The following RAE1 variants were observed in gnomAD, a reference collection of about 807,000 sequenced individuals.
RAE1 encodes mRNA export factor RAE1.
RAE1 carries 13 observed loss-of-function variants against 52.7 expected under a neutral mutation model. The observed-to-expected ratio is 0.25, with a 90% CI of 0.16 to 0.39. The LOEUF (loss-of-function observed/expected upper bound fraction) is 0.39. Among genes scored for constraint, RAE1 ranks in the 10% least tolerant of loss-of-function variants. The pLI, the probability that RAE1 is intolerant of heterozygous loss-of-function variation, is 1.00. For missense variants in RAE1, 262 were observed against 459.8 expected, an observed-to-expected ratio of 0.57 and a Z score of 3.93; for synonymous variants, 164 against 153.1, an observed-to-expected ratio of 1.07 and a Z score of -0.52.
At chr20:57,351,806 C>T (rs2066713691) in intron 1 of RAE1, 3 of 985,470 alleles carry the variant, frequency 3.0e-6, no homozygotes, top group Non-Finnish European at 2.4e-6. Flanking sequence ...CAACCTGCTC[C>T]ATTTCTTTCG....
intron 11 of RAE1, among the ~76,000 whole-genome samples, chr20:57,376,918 C>T (rs1387251230): frequency 6.6e-6 from 1 of 152,322 alleles, no homozygotes; most frequent in East Asian, 1.9e-4. Context: ...AGTAAAATCT[C>T]ATTCATTTAA....
rs755561880 is a variant in RAE1, at chr20:57,365,381, C to T, written c.314C>T (p.Ser105Leu). The change falls in exon 5 of 12, where the codon TCG (serine) becomes TTG (leucine). Residue 105 changes from serine (S) to leucine (L), a missense_variant. Transcript: ENST00000395841. ...SDDGSKVFTA[S>L]CDKTAKMWDL... Reference sequence around the variant, plus strand: ...GATGGGAGCAAAGTGTTTACGGCATCGTGTGATAAAACTGCCAAAATGTGG... The same window carrying T: ...GATGGGAGCAAAGTGTTTACGGCATTGTGTGATAAAACTGCCAAAATGTGG... 34 of 1,609,868 alleles carry T rather than the reference C, an allele frequency of 2.1e-5. No homozygotes were observed. The highest frequency in any genetic ancestry group is 2.7e-5 in the African/African-American group (2 of 74,792).
intron 4 of RAE1, among the ~76,000 whole-genome samples, chr20:57,360,343 G>GT: frequency 6.6e-6 from 1 of 152,212 alleles, no homozygotes; most frequent in South Asian, 2.1e-4. Context: ...TTGACCTAAC[G>GT]TTTTTATGTG....
chr20:57,353,327 A>G (rs2066738172), intron 1 of RAE1, among the ~76,000 whole-genome samples: 1 of 152,234 alleles, frequency 6.6e-6, no homozygotes, highest in African/African-American at 2.4e-5. Flanking sequence ...TTTGCAGAGC[A>G]GGAAAATGAA....
rs114695642 is a variant in RAE1 at position 57,377,553 on chromosome 20, A to G, written c.1021-460A>G. Reference sequence around the variant, plus strand: ...CGCACACGCCTCTGGCTCACTCACCACCGTTCATGCCTCTGCTGTGCTCCG... The same window carrying G: ...CGCACACGCCTCTGGCTCACTCACCGCCGTTCATGCCTCTGCTGTGCTCCG... On this transcript the variant is annotated intron_variant, in intron 11 of 11. Transcript: ENST00000395841. Among the ~76,000 whole-genome samples, 917 of 152,196 alleles carry G rather than the reference A, an allele frequency of 6.0e-3. 6 individuals are homozygous for G. Among genetic ancestry groups the G allele is most frequent in the African/African-American group, 0.021 (872 of 41,516 alleles).
intron 5 of RAE1, among the ~76,000 whole-genome samples, chr20:57,366,236 T>A (rs182194832): frequency 6.6e-6 from 1 of 151,708 alleles, no homozygotes; most frequent in Non-Finnish European, 1.5e-5. Flanking sequence ...AAGGTAGATA[T>A]ATGTTTTTGT....
intron 4 of RAE1, among the ~76,000 whole-genome samples, chr20:57,364,308 G>A (rs2066926173): frequency 6.6e-6 from 1 of 152,172 alleles, no homozygotes; most frequent in Non-Finnish European, 1.5e-5. Flanking sequence ...AGGTTGGCAT[G>A]CTCTGCTCCA....
intron 5 of RAE1, 67 bp from the exon 6 acceptor site, chr20:57,366,740 A>AAAGGGAAG (rs2066959963): frequency 1.4e-6 from 2 of 1,443,108 alleles, no homozygotes; most frequent in Admixed American, 3.5e-5. Flanking sequence ...TTGAATTGCC[A>AAAGGGAAG]CAACTAAAGC....
At position 57,378,229 on chromosome 20, in the gene RAE1, C is replaced by A; in HGVS notation, c.*130C>A. 2 of 738,462 alleles carry A rather than the reference C, an allele frequency of 2.7e-6. No individual in the cohort carries two copies. Among genetic ancestry groups the A allele is most frequent in the South Asian group, 2.1e-5 (1 of 48,578 alleles). The allele number at this position is 738,462 out of a possible 1,614,324, so 45.7% of individuals were successfully genotyped here. On this transcript the variant is annotated 3_prime_UTR_variant, in exon 12 of 12. Coordinates refer to ENST00000395841, the MANE Select transcript of RAE1 (RefSeq NM_003610.4). ...TTTCAACCCCTGGAGAAAACGATGT[C>A]ATTGTTCAGCAGCTGAGAGCCCAGG...
intron 8 of RAE1, among the ~76,000 whole-genome samples, chr20:57,369,959 C>T (rs1221182325): frequency 6.6e-6 from 1 of 152,106 alleles, no homozygotes; most frequent in Non-Finnish European, 1.5e-5. Flanking sequence ...CCCATGCCCT[C>T]CAGCCTTCTC....
intron 11 of RAE1, among the ~76,000 whole-genome samples, chr20:57,377,240 T>C (rs928006752): frequency 2.6e-4 from 40 of 152,216 alleles, no homozygotes; most frequent in African/African-American, 9.4e-4. Context: ...CCCAGCGCCA[T>C]GCCCCACCTC....
rs755166301 is a variant in RAE1, at chr20:57,366,847, C to G, written c.416C>G (p.Pro139Arg). 16 of 1,613,766 alleles carry G rather than the reference C, an allele frequency of 9.9e-6. No individual in the cohort carries two copies. Among genetic ancestry groups the G allele is most frequent in the African/African-American group, 1.3e-5 (1 of 74,904 alleles). ...PVKTIHWIKA[P>R]NYSCVMTGSW... ...AAAACCATCCATTGGATCAAAGCTC[C>G]AAACTACAGCTGTGTGATGACTGGG... The change falls in exon 6 of 12, where the codon CCA (proline) becomes CGA (arginine). Residue 139 changes from proline (P) to arginine (R), a missense_variant. By Grantham distance (103) the Pro-to-Arg change is moderately radical. Coordinates refer to ENST00000395841, the MANE Select transcript of RAE1 (RefSeq NM_003610.4).
intron 4 of RAE1, among the ~76,000 whole-genome samples, chr20:57,362,387 G>T (rs1250513290): frequency 6.6e-6 from 1 of 152,194 alleles, no homozygotes; most frequent in Non-Finnish European, 1.5e-5. Context: ...AGTTTGAAAA[G>T]TGAAGCATTC....
intron 3 of RAE1, among the ~76,000 whole-genome samples, chr20:57,355,445 T>G (rs921489816): frequency 2.0e-5 from 3 of 152,216 alleles, no homozygotes; most frequent in African/African-American, 7.2e-5. Flanking sequence ...AAGGATAAGC[T>G]GAAACCCTGC....
At chr20:57,369,183 T>TA (rs1427074321) in intron 8 of RAE1, among the ~76,000 whole-genome samples, 1 of 152,190 alleles carries the variant, frequency 6.6e-6, no homozygotes, top group Non-Finnish European at 1.5e-5. Context: ...ACAACGATCT[T>TA]AAAGGCAATA....
At chr20:57,370,037 C>G (rs1206942691) in intron 8 of RAE1, among the ~76,000 whole-genome samples, 2 of 152,174 alleles carry the variant, frequency 1.3e-5, no homozygotes, top group Non-Finnish European at 2.9e-5. Context: ...GTACTTCTCC[C>G]TTAGCACTGA....
At chr20:57,361,285 G>A (rs991605254) in intron 4 of RAE1, among the ~76,000 whole-genome samples, 1 of 152,128 alleles carries the variant, frequency 6.6e-6, no homozygotes, top group African/African-American at 2.4e-5. Context: ...CAGTATTAGG[G>A]CAGAAGTTTA....
intron 4 of RAE1, among the ~76,000 whole-genome samples, chr20:57,362,109 C>G (rs563148430): frequency 2.6e-4 from 39 of 152,354 alleles, no homozygotes; most frequent in African/African-American, 8.7e-4. Context: ...ACCCTCACTT[C>G]ACCCCAGTCT....
chr20:57,365,665 A>G (rs1335490706), intron 5 of RAE1, among the ~76,000 whole-genome samples: 1 of 152,182 alleles, frequency 6.6e-6, no homozygotes, highest in Non-Finnish European at 1.5e-5. Context: ...ATGGATCTTC[A>G]TATATGTATG....
Sources: gnomAD v4.1 joint callset for allele counts (sites outside exome capture counted in the v4.1 genomes callset) on GRCh38, gnomAD v4.1.1 for gene constraint, MANE v1.5 for transcripts, NCBI Gene and HGNC (gene_info 2026-07-23, HGNC 2026-07-21) for gene names.